ATL3: variants seen among roughly 807,000 people sequenced by gnomAD.
ATL3 encodes atlastin-3.
ATL3 carries 49 observed loss-of-function variants against 69.5 expected under a neutral mutation model. The ratio of observed to expected loss-of-function variants is 0.71; its 90% CI spans 0.56 to 0.89. The LOEUF is 0.89. Among genes scored for constraint, ATL3 ranks in the 40% least tolerant of loss-of-function variants. The pLI is 0.00. For synonymous variants in ATL3, 214 were observed against 224.1 expected (o/e 0.95, Z 0.40); for missense variants, 606 against 645.7 (o/e 0.94, Z 0.67).
At position 63,646,506 on chromosome 11, in the gene ATL3, C is replaced by A. The variant is rs1348378931; in HGVS notation, c.618+1G>T. On this transcript the variant is annotated splice_donor_variant, in intron 6 of 12. Transcript: ENST00000398868. LOFTEE classifies it high-confidence loss of function. Reference sequence around the variant, plus strand: ...ATTATATTTAAAATAAATATTCTAACCTGGAAAGGCTTTTGGAAAATTTCA... The same window carrying A: ...ATTATATTTAAAATAAATATTCTAAACTGGAAAGGCTTTTGGAAAATTTCA... The A allele has an allele frequency of 1.9e-6, 3 of 1,566,066 alleles. No individual in the cohort carries two copies. The highest frequency in any genetic ancestry group is 2.6e-6 in the Non-Finnish European group (3 of 1,142,156).
At chr11:63,668,722 T>C (rs1057140279) in intron 1 of ATL3, among the ~76,000 whole-genome samples, 5 of 150,262 alleles carry the variant, frequency 3.3e-5, no homozygotes, top group Non-Finnish European at 7.4e-5. Flanking sequence ...TGGAATGAGC[T>C]CAGTAACACT....
rs1939150481 is a variant in ATL3 at position 63,627,400 on chromosome 11, T to C, written c.*1919A>G. ...AAAATAGCAAGAACTATTTGCAAGA[T>C]GGCATATAAATATGAAACAATATGC... On this transcript the variant is annotated 3_prime_UTR_variant, in exon 13 of 13. Transcript: ENST00000398868. 2.0e-5 allele frequency: 3 copies of C among 152,188 alleles called. No individual in the cohort carries two copies. Among genetic ancestry groups the C allele is most frequent in the Admixed American group, 6.5e-5 (1 of 15,274 alleles). The allele number at this position is 152,188 out of a possible 1,614,324, so 9.4% of individuals were successfully genotyped here.
Position 63,658,746 on chromosome 11 carries a change from C to A in ATL3, c.405+15G>T. 2 of 1,589,582 alleles carry A rather than the reference C, an allele frequency of 1.3e-6. No individual in the cohort carries two copies. The highest frequency in any genetic ancestry group is 1.2e-5 in the South Asian group (1 of 85,876). On this transcript the variant is annotated intron_variant, in intron 3 of 12. Transcript: ENST00000398868. ...TGTTGTTGTTGTTAATCTGTAAGGTCATTTTCATCCTTACCTTCTTCCCAC... is the reference window on the plus strand; with the variant it reads ...TGTTGTTGTTGTTAATCTGTAAGGTAATTTTCATCCTTACCTTCTTCCCAC...
At chr11:63,637,277 G>GA (rs56386158) in intron 8 of ATL3, among the ~76,000 whole-genome samples, 123 of 139,952 alleles carry the variant, frequency 8.8e-4, no homozygotes, top group East Asian at 4.0e-3. Flanking sequence ...CTCCATCTCA[G>GA]AAAAAAAAAA....
intron 12 of ATL3, among the ~76,000 whole-genome samples, chr11:63,629,702 A>T (rs2134458294): frequency 6.6e-6 from 1 of 152,306 alleles, no homozygotes; most frequent in East Asian, 1.9e-4. Context: ...AAAGATCTAC[A>T]AAACTTGTGA....
chr11:63,645,768 GT>G (rs940244716), intron 6 of ATL3, among the ~76,000 whole-genome samples: 11 of 150,708 alleles, frequency 7.3e-5, no homozygotes, highest in Non-Finnish European at 1.2e-4. Context: ...TTTTATTTTT[GT>G]TTTTTTCTTT....
chr11:63,632,054 G>T (rs1054945237), intron 11 of ATL3, among the ~76,000 whole-genome samples: 2 of 152,188 alleles, frequency 1.3e-5, no homozygotes, highest in African/African-American at 4.8e-5. Flanking sequence ...CTGGTTGAGG[G>T]TCCTCAGGGT....
At position 63,626,511 on chromosome 11, in the gene ATL3, T is replaced by A. The variant is rs1003591383; in HGVS notation, c.*2808A>T. 6.6e-6 allele frequency: 1 copy of A among 152,234 alleles called. No homozygotes were observed. The highest frequency in any genetic ancestry group is 6.5e-5 in the Admixed American group (1 of 15,284). The allele number at this position is 152,234 out of a possible 1,614,324, so 9.4% of individuals were successfully genotyped here. On this transcript the variant is annotated 3_prime_UTR_variant, in exon 13 of 13. Coordinates refer to ENST00000398868, the MANE Select transcript of ATL3 (RefSeq NM_015459.5). Reference sequence around the variant, plus strand: ...AAGAATGAAAACTCTGATTCTACCATTTTTACTATAAGCAGCTCATTGAAA... The same window carrying A: ...AAGAATGAAAACTCTGATTCTACCAATTTTACTATAAGCAGCTCATTGAAA...
At chr11:63,630,411 C>G (rs1465348415) in intron 12 of ATL3, among the ~76,000 whole-genome samples, 6 of 93,912 alleles carry the variant, frequency 6.4e-5, no homozygotes, top group African/African-American at 2.4e-4. Context: ...TGGGCAAAAG[C>G]GTAAAAATCT....
rs756641665 is a variant in ATL3 at position 63,659,246 on chromosome 11, G to A, written c.53C>T (p.Ala18Val). 4 of 1,613,636 alleles carry A rather than the reference G, an allele frequency of 2.5e-6. No individual in the cohort carries two copies. The South Asian group carries it at 3.3e-5, about 13-fold the overall frequency. Residue 18 changes from alanine to valine, a missense_variant, in exon 2 of 13, where the codon GCC becomes GTC. Transcript: ENST00000398868. ...AAAASRGADDAMESSKPGPVQ... is the reference protein window; with the variant it reads ...AAAASRGADDVMESSKPGPVQ... Reference sequence around the variant, plus strand: ...TGGACCAGGCTTGCTGCTCTCCATGGCATCATCTATGTTCATGCAGAGAAA... The same window carrying A: ...TGGACCAGGCTTGCTGCTCTCCATGACATCATCTATGTTCATGCAGAGAAA...
intron 8 of ATL3, among the ~76,000 whole-genome samples, chr11:63,641,535 A>C (rs1486394566): frequency 6.6e-6 from 1 of 152,178 alleles, no homozygotes; most frequent in Non-Finnish European, 1.5e-5. Context: ...ACAACAAAGA[A>C]CCTGGAGGCA....
At chr11:63,634,506 CA>C (rs879349075) in intron 10 of ATL3, among the ~76,000 whole-genome samples, 66 of 135,620 alleles carry the variant, frequency 4.9e-4, no homozygotes, top group Non-Finnish European at 6.4e-4. Context: ...GATTCCACCT[CA>C]AAAAAAAAAA....
At chr11:63,633,193 C>T in intron 10 of ATL3, 96 bp from the exon 11 acceptor site, 1 of 979,106 alleles carries the variant, frequency 1.0e-6, no homozygotes, top group Non-Finnish European at 1.6e-6. Flanking sequence ...CCCATTCTTC[C>T]TTTTTTATTA....
chr11:63,660,937 G>A (rs146048730), intron 1 of ATL3, among the ~76,000 whole-genome samples: 18 of 152,020 alleles, frequency 1.2e-4, no homozygotes, highest in African/African-American at 4.3e-4. Context: ...GAAATGGCCA[G>A]GCTCAGTGGC....
chr11:63,643,015 T>C (rs1312880423), intron 8 of ATL3, among the ~76,000 whole-genome samples: 1 of 152,262 alleles, frequency 6.6e-6, no homozygotes, highest in African/African-American at 2.4e-5. Flanking sequence ...CCATGCATCA[T>C]GCTGCCTTCC....
chr11:63,635,855 A>T (rs1939497847), intron 9 of ATL3, among the ~76,000 whole-genome samples: 1 of 149,012 alleles, frequency 6.7e-6, no homozygotes, highest in Admixed American at 6.9e-5. Flanking sequence ...ACCTGTGGGC[A>T]GAGTGACCAT....
intron 3 of ATL3, among the ~76,000 whole-genome samples, chr11:63,656,202 C>T (rs1364137402): frequency 6.1e-5 from 9 of 148,398 alleles, no homozygotes; most frequent in African/African-American, 1.7e-4. Context: ...CCAGCCTGGG[C>T]GACACAGTGA....
rs769232447 is a variant in ATL3 at position 63,652,514 on chromosome 11, C to T, written c.467G>A (p.Cys156Tyr). The part of the protein sequence containing the change: ...AFDSQSTVKD[C>Y]ATIFALSTMT... Reference sequence around the variant, plus strand: ...AGTGCTTAGAGCAAAGATGGTAGCACAGTCTTTCACAGTTGACTGGCTGTC... The same window carrying T: ...AGTGCTTAGAGCAAAGATGGTAGCATAGTCTTTCACAGTTGACTGGCTGTC... The change falls in exon 4 of 13, where the codon TGT becomes TAT. Residue 156 changes from cysteine to tyrosine, a missense_variant. By Grantham distance (194) the Cys-to-Tyr change is radical. Transcript: ENST00000398868. 8 of 1,611,282 alleles carry T rather than the reference C, an allele frequency of 5.0e-6. No homozygotes were observed. The highest frequency in any genetic ancestry group is 6.8e-6 in the Non-Finnish European group (8 of 1,178,160).
intron 10 of ATL3, among the ~76,000 whole-genome samples, chr11:63,633,313 GTATTCT>G (rs1359448662): frequency 6.6e-6 from 1 of 151,982 alleles, no homozygotes; most frequent in Non-Finnish European, 1.5e-5. Context: ...ATAGAAATAT[GTATTCT>G]TATACATAAG....
Sources: gnomAD v4.1 joint callset for allele counts (sites outside exome capture counted in the v4.1 genomes callset) on GRCh38, gnomAD v4.1.1 for gene constraint, MANE v1.5 for transcripts, NCBI Gene and HGNC (gene_info 2026-07-23, HGNC 2026-07-21) for gene names.